Variants in RALYL observed in about 807,000 individuals in gnomAD.
The protein encoded by RALYL is RNA-binding Raly-like protein.
Under a neutral mutation model 35.1 loss-of-function variants are expected in RALYL, and 29 were observed. The ratio of observed to expected loss-of-function variants is 0.83; its 90% CI spans 0.61 to 1.13. The LOEUF is 1.13. RALYL is among the 50% of genes most tolerant of loss of function. The pLI, the probability that RALYL is intolerant of heterozygous loss-of-function variation, is 0.00. For synonymous variants in RALYL, 120 were observed against 127.6 expected (o/e 0.94, Z 0.40); for missense variants, 359 against 360.4 (o/e 1.00, Z 0.03).
intron 2 of RALYL, among the ~76,000 whole-genome samples, chr8:84,749,243 T>C (rs1216136056): frequency 1.3e-5 from 2 of 152,168 alleles, no homozygotes; most frequent in Non-Finnish European, 2.9e-5. Context: ...ACACTGTTAT[T>C]GTTGAAACCT....
intron 1 of RALYL, among the ~76,000 whole-genome samples, chr8:84,264,438 A>G (rs961457674): frequency 7.7e-5 from 11 of 142,522 alleles, no homozygotes; most frequent in Admixed American, 7.0e-4. Context: ...TCCGTTGCCC[A>G]CTTTTTAATG....
At chr8:84,730,104 T>G in intron 2 of RALYL, among the ~76,000 whole-genome samples, 1 of 152,078 alleles carries the variant, frequency 6.6e-6, no homozygotes, top group Non-Finnish European at 1.5e-5. Flanking sequence ...TAGACCAATA[T>G]CCTTGATGAA....
intron 1 of RALYL, among the ~76,000 whole-genome samples, chr8:84,455,141 G>A (rs939236067): frequency 1.3e-5 from 2 of 152,022 alleles, no homozygotes; most frequent in Non-Finnish European, 2.9e-5. Flanking sequence ...GAGGCCTATT[G>A]TGTAAGTAAA....
chr8:84,297,378 A>T (rs1164652701), intron 1 of RALYL, among the ~76,000 whole-genome samples: 27 of 152,096 alleles, frequency 1.8e-4, no homozygotes, highest in Non-Finnish European at 4.4e-5. Flanking sequence ...GCTGCAAAAG[A>T]CATGATCTCA....
At chr8:84,705,884 A>G in intron 2 of RALYL, 1 of 1,458,942 alleles carries the variant, frequency 6.9e-7, no homozygotes, top group Non-Finnish European at 9.0e-7. Context: ...TGAGAATGGT[A>G]TTACCCTGGC....
At chr8:84,674,775 G>A (rs1564351957) in intron 2 of RALYL, among the ~76,000 whole-genome samples, 1 of 152,038 alleles carries the variant, frequency 6.6e-6, no homozygotes, top group African/African-American at 2.4e-5. Context: ...AGCTCTTAGT[G>A]CAGTCATTAC....
At chr8:84,797,942 CTA>C (rs1474852682) in intron 3 of RALYL, among the ~76,000 whole-genome samples, 2 of 152,132 alleles carry the variant, frequency 1.3e-5, no homozygotes, top group African/African-American at 4.8e-5. Context: ...GGAGCATCTG[CTA>C]TGTGTTGGGT....
chr8:84,331,708 GC>G (rs1255463719), intron 1 of RALYL, among the ~76,000 whole-genome samples: 1 of 151,696 alleles, frequency 6.6e-6, no homozygotes, highest in Non-Finnish European at 1.5e-5. Flanking sequence ...CTATGACTAA[GC>G]AGTGCATAAA....
intron 1 of RALYL, among the ~76,000 whole-genome samples, chr8:84,352,411 G>C (rs774886320): frequency 6.7e-6 from 1 of 150,006 alleles, no homozygotes; most frequent in Non-Finnish European, 1.5e-5. Context: ...CAACATACAG[G>C]GTTCAAATAA....
Position 84,601,797 on chromosome 8 carries a change from C to T in RALYL, c.256+72220C>T, listed in dbSNP as rs16913025. ...TTTGTTATTTGAAGCTTAATGGAAA[C>T]TTAAGTAACAAAATCTATCTTTAAC... On this transcript the variant is annotated intron_variant, in intron 2 of 8. Transcript: ENST00000521268. Among the ~76,000 whole-genome samples, 506 of 152,098 alleles carry T rather than the reference C, an allele frequency of 3.3e-3. 3 individuals carry two copies. Among genetic ancestry groups the T allele is most frequent in the African/African-American group, 0.012 (491 of 41,522 alleles).
chr8:84,706,005 A>C, intron 2 of RALYL: 1 of 1,535,088 alleles, frequency 6.5e-7, no homozygotes, highest in Non-Finnish European at 8.7e-7. Flanking sequence ...ACTTCTTAGA[A>C]AGTCTAATTT....
At chr8:84,913,224 T>A (rs1303070974) in intron 8 of RALYL, among the ~76,000 whole-genome samples, 3 of 151,856 alleles carry the variant, frequency 2.0e-5, no homozygotes, top group African/African-American at 7.3e-5. Context: ...TCATCATGAG[T>A]CTTGTGGATT....
chr8:84,260,842 G>A (rs1452333395), intron 1 of RALYL, among the ~76,000 whole-genome samples: 1 of 152,102 alleles, frequency 6.6e-6, no homozygotes, highest in South Asian at 2.1e-4. Flanking sequence ...TTGATTAAAA[G>A]CCCTAAAACA....
At chr8:84,854,073 C>T (rs968898725) in intron 5 of RALYL, among the ~76,000 whole-genome samples, 17 of 152,096 alleles carry the variant, frequency 1.1e-4, no homozygotes, top group South Asian at 4.1e-4. Flanking sequence ...TGGGGCCAGG[C>T]GCGGTGGCTC....
At position 84,207,859 on chromosome 8, in the gene RALYL, C is replaced by CTATACATG. The variant is rs1220846174; in HGVS notation, c.-24+23442_-24+23449dup. ...ATATATAGAAACATTGCATTGTACA[C>CTATACATG]TATACATGTATACAATTTTTATGTG... is the stretch of plus-strand genomic sequence containing the variant. On this transcript the variant is annotated intron_variant, in intron 1 of 8. Transcript: ENST00000521268. Among the ~76,000 whole-genome samples the CTATACATG allele has an allele frequency of 6.6e-5, 10 of 151,022 alleles. No individual in the cohort carries two copies. The Admixed American group carries it at 6.6e-4, about 10-fold the overall frequency.
chr8:84,855,598 T>TATATG (rs1836796013), intron 5 of RALYL, among the ~76,000 whole-genome samples: 1 of 152,218 alleles, frequency 6.6e-6, no homozygotes, highest in South Asian at 2.1e-4. Context: ...TAAAGGTCCA[T>TATATG]ATATGACTCT....
At chr8:84,846,024 T>G (rs192458592) in intron 4 of RALYL, among the ~76,000 whole-genome samples, 12 of 152,230 alleles carry the variant, frequency 7.9e-5, no homozygotes, top group African/African-American at 2.6e-4. Flanking sequence ...GGACCATGCT[T>G]TTTGGTTACC....
chr8:84,894,212 AATG>A (rs1470008724), intron 8 of RALYL, among the ~76,000 whole-genome samples: 2 of 152,286 alleles, frequency 1.3e-5, no homozygotes, highest in African/African-American at 4.8e-5. Flanking sequence ...TTTCTTTCCT[AATG>A]AAGTCCTTCA....
At chr8:84,701,788 A>C (rs988892856) in intron 2 of RALYL, among the ~76,000 whole-genome samples, 1 of 152,148 alleles carries the variant, frequency 6.6e-6, no homozygotes, top group African/African-American at 2.4e-5. Context: ...CCCTGCAGTC[A>C]ACTGGATTCA....
Sources: allele counts gnomAD v4.1 joint callset (sites outside exome capture counted in the v4.1 genomes callset), GRCh38; gene constraint gnomAD v4.1.1; transcripts MANE v1.5; gene names NCBI Gene and HGNC (gene_info 2026-07-23, HGNC 2026-07-21).